ACKR1: variants seen among roughly 807,000 people sequenced by gnomAD.
ACKR1 encodes atypical chemokine receptor 1.
Under a neutral mutation model 2.5 loss-of-function variants are expected in ACKR1, and 3 were observed. The ratio of observed to expected loss-of-function variants is 1.18; its 90% CI spans 0.54 to 3.06. The LOEUF is 3.06. Among genes scored for constraint, ACKR1 ranks in the 30% most tolerant of loss-of-function variants. The pLI is 0.03. For synonymous variants in ACKR1, 208 were observed against 178.2 expected, an observed-to-expected ratio of 1.17 and a Z score of -1.33; for missense variants, 438 against 395.2, an observed-to-expected ratio of 1.11 and a Z score of -0.92.
intron 1 of ACKR1, 192 bp downstream of exon 1, chr1:159,205,172 T>A (rs919480540): frequency 2.6e-5 from 19 of 731,428 alleles, no homozygotes; most frequent in Non-Finnish European, 4.0e-5. Flanking sequence ...CTTGTGTCCC[T>A]CCCTTTGCCT....
At chr1:159,205,245 G>C in intron 1 of ACKR1, 1 of 698,154 alleles carries the variant, frequency 1.4e-6, no homozygotes, top group Middle Eastern at 2.7e-4. Flanking sequence ...TGCTCCTCCA[G>C]CCCCAGCTGC....
At position 159,206,201 on chromosome 1, in the gene ACKR1, G is replaced by A. The variant is rs766558424; in HGVS notation, c.762G>A (p.Trp254Ter). The A allele has an allele frequency of 4.3e-6, 7 of 1,614,124 alleles. No individual in the cohort carries two copies. Among genetic ancestry groups the A allele is most frequent in the Admixed American group, 1.7e-5 (1 of 60,014 alleles). The change falls in exon 2 of 2, where the codon TGG (tryptophan) becomes TGA (stop). Residue 254 changes from tryptophan to a stop codon, truncating the protein, a stop_gained. Coordinates refer to ENST00000368122, the MANE Select transcript of ACKR1 (RefSeq NM_002036.4). LOFTEE classifies it low-confidence loss of function (END_TRUNC). Reference sequence around the variant, plus strand: ...TGTGGGCCTGGTTTATTTTCTGGTGGCCTCATGGGGTGGTTCTAGGACTGG... The same window carrying A: ...TGTGGGCCTGGTTTATTTTCTGGTGACCTCATGGGGTGGTTCTAGGACTGG... ...NILWAWFIFW[W>*]PHGVVLGLDF...
At position 159,205,015 on chromosome 1, in the gene ACKR1, C is replaced by A. The variant is rs202070588; in HGVS notation, c.21+35C>A. On this transcript the variant is annotated intron_variant, in intron 1 of 1. Coordinates refer to ENST00000368122, the MANE Select transcript of ACKR1 (RefSeq NM_002036.4). ...GGGCCAGGCCCCAGAGTCCCTTATCCCTATGCCCCTCATTTCCCCTGCTGT... is the reference window on the plus strand; with the variant it reads ...GGGCCAGGCCCCAGAGTCCCTTATCACTATGCCCCTCATTTCCCCTGCTGT... 2.5e-5 allele frequency: 40 copies of A among 1,604,140 alleles called. No homozygotes were observed. The African/African-American group carries it at 3.5e-4, about 14-fold the overall frequency.
rs3027016 is a variant in ACKR1 at position 159,205,403 on chromosome 1, A to T, written c.22-58A>T. 4.0e-5 allele frequency: 63 copies of T among 1,560,586 alleles called. 2 individuals carry two copies. The South Asian group carries it at 7.7e-4, about 19-fold the overall frequency. On this transcript the variant is annotated intron_variant, in intron 1 of 1. Transcript: ENST00000368122. Reference sequence around the variant, plus strand: ...GTCCTCCCCTCCCACCTGCCCCTCAATTCCCAGGAGACTCTTCCGGTGTAA... The same window carrying T: ...GTCCTCCCCTCCCACCTGCCCCTCATTTCCCAGGAGACTCTTCCGGTGTAA...
At position 159,205,738 on chromosome 1, in the gene ACKR1, C is replaced by A. The variant is rs373432193; in HGVS notation, c.299C>A (p.Ala100Glu). ...WQLCPGWPVLAQLAVGSALFS... is the reference protein window; with the variant it reads ...WQLCPGWPVLEQLAVGSALFS... The stretch of plus-strand genomic sequence containing the variant: ...CTCTGCCCTGGCTGGCCTGTCCTGG[C>A]ACAGCTGGCTGTGGGCAGTGCCCTC... The change falls in exon 2 of 2, where the codon GCA (alanine) becomes GAA (glutamate). Residue 100 changes from alanine (A) to glutamate (E), a missense_variant. Coordinates refer to ENST00000368122, the MANE Select transcript of ACKR1 (RefSeq NM_002036.4). 6.2e-7 allele frequency: 1 copy of A among 1,614,028 alleles called. No homozygotes were observed. The highest frequency in any genetic ancestry group is 8.5e-7 in the Non-Finnish European group (1 of 1,179,890).
At position 159,205,715 on chromosome 1, in the gene ACKR1, C is replaced by T. The variant is rs758806109; in HGVS notation, c.276C>T (p.Leu92=). 4.3e-6 allele frequency: 7 copies of T among 1,613,930 alleles called. No individual in the cohort carries two copies. In the East Asian group the frequency reaches 1.3e-4, roughly 31 times the overall value. Residue 92 remains leucine, a synonymous_variant, in exon 2 of 2, where the codon CTC becomes CTT. Coordinates refer to ENST00000368122, the MANE Select transcript of ACKR1 (RefSeq NM_002036.4). ...TCAGACCTCTCTTCCGCTGGCAGCT[C>T]TGCCCTGGCTGGCCTGTCCTGGCAC... ...MLFRPLFRWQ[L]CPGWPVLAQL...
Position 159,205,451 on chromosome 1 carries a change from T to C in ACKR1, c.22-10T>C, listed in dbSNP as rs1259931133. ...TAACTCTGATGGCCTCCTCTGGGTA[T>C]GTCCTCCAGGCGGAGCTCTCCCCCT... On this transcript the variant is annotated splice_polypyrimidine_tract_variant and intron_variant, in intron 1 of 1. Coordinates refer to ENST00000368122, the MANE Select transcript of ACKR1 (RefSeq NM_002036.4). 6.2e-7 allele frequency: 1 copy of C among 1,600,994 alleles called. No individual in the cohort carries two copies. Among genetic ancestry groups the C allele is most frequent in the Non-Finnish European group, 8.5e-7 (1 of 1,172,816 alleles).
Position 159,205,526 on chromosome 1 carries a change from C to G in ACKR1, c.87C>G (p.Ser29=), listed in dbSNP as rs554555311. ...QLDFEDVWNS[S]YGVNDSFPDG... ...ACTTCGAAGATGTATGGAATTCTTC[C>G]TATGGTGTGAATGATTCCTTCCCAG... is the stretch of plus-strand genomic sequence containing the variant. Residue 29 remains serine, a synonymous_variant, in exon 2 of 2, where the codon TCC becomes TCG. Transcript: ENST00000368122. 1 of 1,614,190 alleles carries G rather than the reference C, an allele frequency of 6.2e-7. No homozygotes were observed. The highest frequency in any genetic ancestry group is 1.1e-5 in the South Asian group (1 of 91,080).
At chr1:159,205,293 A>T in intron 1 of ACKR1, 168 bp from the exon 2 acceptor site, 1 of 869,090 alleles carries the variant, frequency 1.2e-6, no homozygotes, top group Non-Finnish European at 1.7e-6. Flanking sequence ...CCGGCTCTTC[A>T]GGCTCCCTGC....
Position 159,206,027 on chromosome 1 carries a change from C to T in ACKR1, c.588C>T (p.Thr196=). The change falls in exon 2 of 2, where the codon ACC becomes ACT. Residue 196 remains threonine, a synonymous_variant. Transcript: ENST00000368122. ...LASGASGGLC[T]LIYSTELKAL... ...GTGGTGCTTCTGGTGGACTCTGCAC[C>T]CTGATATACAGCACGGAGCTGAAGG... 24 of 1,614,198 alleles carry T rather than the reference C, an allele frequency of 1.5e-5. No homozygotes were observed. Among genetic ancestry groups the T allele is most frequent in the Non-Finnish European group, 2.0e-5 (24 of 1,180,024 alleles).
Position 159,205,067 on chromosome 1 carries a change from C to A in ACKR1, c.21+87C>A, listed in dbSNP as rs989233835. 5 of 1,451,186 alleles carry A rather than the reference C, an allele frequency of 3.4e-6. No homozygotes were observed. The African/African-American group carries it at 5.7e-5, about 17-fold the overall frequency. 89.9% of individuals were successfully genotyped at this position (1,451,186 alleles called of 1,614,324 possible). A position where few individuals can be genotyped will look rare whatever the true frequency, so the allele number is the denominator to read the frequency against. On this transcript the variant is annotated intron_variant, in intron 1 of 1. Coordinates refer to ENST00000368122, the MANE Select transcript of ACKR1 (RefSeq NM_002036.4). ...TGCCCCTCAGTCTTTATATCTCTTC[C>A]TTTTCCTCCTCATCTTTTCTCCCTT... is the stretch of plus-strand genomic sequence containing the variant.
chr1:159,205,914 G>A lies in ACKR1; in HGVS notation c.475G>A (p.Ala159Thr), dbSNP rs756221960. ...TGCCTCCCTGGGCCACAGACTGGGT[G>A]CAGGCCAGGTCCCAGGCCTCACCCT... ...CHASLGHRLG[A>T]GQVPGLTLGL... The change falls in exon 2 of 2, where the codon GCA becomes ACA. Residue 159 changes from alanine to threonine, a missense_variant. Transcript: ENST00000368122. 3.1e-6 allele frequency: 5 copies of A among 1,614,076 alleles called. No homozygotes were observed. The South Asian group carries it at 5.5e-5, about 18-fold the overall frequency.
Position 159,204,901 on chromosome 1 carries a change from G to A in ACKR1, c.-59G>A. 2 of 1,610,358 alleles carry A rather than the reference G, an allele frequency of 1.2e-6. No homozygotes were observed. The highest frequency in any genetic ancestry group is 1.7e-6 in the Non-Finnish European group (2 of 1,176,648). On this transcript the variant is annotated 5_prime_UTR_variant, in exon 1 of 2. Coordinates refer to ENST00000368122, the MANE Select transcript of ACKR1 (RefSeq NM_002036.4). ...TTAGTCCTTGGCTCTTATCTTGGAA[G>A]CACAGGCGCTGACAGCCGTCCCAGC...
At position 159,205,704 on chromosome 1, in the gene ACKR1, C is replaced by A. The variant is rs34599082; in HGVS notation, c.265C>A (p.Arg89Ser). The A allele has an allele frequency of 1.2e-6, 2 of 1,614,100 alleles. No homozygotes were observed. The highest frequency in any genetic ancestry group is 1.7e-6 in the Non-Finnish European group (2 of 1,180,052). The change falls in exon 2 of 2, where the codon CGC becomes AGC. Residue 89 changes from arginine to serine, a missense_variant. Physicochemically the swap from Arg to Ser is moderately radical, Grantham distance 110. Transcript: ENST00000368122. ...VLFMLFRPLF[R>S]WQLCPGWPVL... ...CTTCATGCTTTTCAGACCTCTCTTC[C>A]GCTGGCAGCTCTGCCCTGGCTGGCC...
rs375596874 is a variant in ACKR1 at position 159,205,611 on chromosome 1, G to T, written c.172G>T (p.Asp58Tyr). 3.7e-6 allele frequency: 6 copies of T among 1,614,110 alleles called. No homozygotes were observed. The African/African-American group carries it at 8.0e-5, about 22-fold the overall frequency. The change falls in exon 2 of 2, where the codon GAT becomes TAT. Residue 58 changes from aspartate (D) to tyrosine (Y), a missense_variant. Coordinates refer to ENST00000368122, the MANE Select transcript of ACKR1 (RefSeq NM_002036.4). ...AAPCHSCNLLDDSALPFFILT... is the reference protein window; with the variant it reads ...AAPCHSCNLLYDSALPFFILT... The stretch of plus-strand genomic sequence containing the variant: ...CCCCTGCCACTCCTGTAACCTGCTG[G>T]ATGACTCTGCACTGCCCTTCTTCAT...
At position 159,205,936 on chromosome 1, in the gene ACKR1, C is replaced by T. The variant is rs1010852347; in HGVS notation, c.497C>T (p.Thr166Ile). ...RLGAGQVPGL[T>I]LGLTVGIWGV... ...GGTGCAGGCCAGGTCCCAGGCCTCA[C>T]CCTGGGGCTCACTGTGGGAATTTGG... The change falls in exon 2 of 2, where the codon ACC becomes ATC. Residue 166 changes from threonine to isoleucine, a missense_variant. Thr to Ile is a moderately conservative substitution (Grantham distance 89). Transcript: ENST00000368122. The T allele has an allele frequency of 1.2e-6, 2 of 1,613,962 alleles. No individual in the cohort carries two copies. Among genetic ancestry groups the T allele is most frequent in the African/African-American group, 1.3e-5 (1 of 74,954 alleles).
At position 159,205,965 on chromosome 1, in the gene ACKR1, G is replaced by A. The variant is rs1650433358; in HGVS notation, c.526G>A (p.Val176Met). The change falls in exon 2 of 2, where the codon GTG becomes ATG. Residue 176 changes from valine to methionine, a missense_variant. Coordinates refer to ENST00000368122, the MANE Select transcript of ACKR1 (RefSeq NM_002036.4). The part of the protein sequence containing the change: ...TLGLTVGIWG[V>M]AALLTLPVTL... The stretch of plus-strand genomic sequence containing the variant: ...GGGGCTCACTGTGGGAATTTGGGGA[G>A]TGGCTGCCCTACTGACACTGCCTGT... The A allele has an allele frequency of 1.9e-6, 3 of 1,613,914 alleles. No individual in the cohort carries two copies. The highest frequency in any genetic ancestry group is 1.3e-5 in the African/African-American group (1 of 74,948).
rs1650388453 is a variant in ACKR1, at chr1:159,204,978, A to C, written c.19A>C (p.Arg7=). 6.2e-7 allele frequency: 1 copy of C among 1,614,086 alleles called. No homozygotes were observed. Among genetic ancestry groups the C allele is most frequent in the East Asian group, 2.2e-5 (1 of 44,860 alleles). Residue 7 remains arginine (R), a splice_region_variant and synonymous_variant, in exon 1 of 2, where the codon AGG becomes CGG. Coordinates refer to ENST00000368122, the MANE Select transcript of ACKR1 (RefSeq NM_002036.4). Reference sequence around the variant, plus strand: ...CGGTGCCATGGGGAACTGTCTGCACAGGGTGAGTATGGGGCCAGGCCCCAG... The same window carrying C: ...CGGTGCCATGGGGAACTGTCTGCACCGGGTGAGTATGGGGCCAGGCCCCAG... MGNCLH[R]AELSPSTENS...
intron 1 of ACKR1, chr1:159,205,234 C>T: frequency 2.9e-6 from 2 of 686,146 alleles, no homozygotes; most frequent in Non-Finnish European, 2.4e-6. Context: ...TGACCTTGCA[C>T]TGCTCCTCCA....
Sources: allele counts gnomAD v4.1 joint callset, GRCh38; gene constraint gnomAD v4.1.1; transcripts MANE v1.5; gene names NCBI Gene and HGNC (gene_info 2026-07-23, HGNC 2026-07-21).